ZNF529: variants seen among roughly 807,000 people sequenced by gnomAD.
ZNF529 encodes zinc finger protein 529.
A neutral mutation model predicts 10.1 loss-of-function variants in ZNF529; 11 were observed. The ratio of observed to expected loss-of-function variants is 1.09; its 90% CI spans 0.69 to 1.81. The LOEUF (loss-of-function observed/expected upper bound fraction) is 1.81. ZNF529 is among the 40% of genes most tolerant of loss of function. The probability of loss-of-function intolerance (pLI) is 0.00; values close to 1 mark genes in which losing one functional copy is unlikely to be tolerated. For missense variants in ZNF529, 624 were observed against 666.8 expected (o/e 0.94, Z 0.71); for synonymous variants, 204 against 215.7 (o/e 0.95, Z 0.47).
At chr19:36,603,829 C>A (rs761083391) in intron 1 of ZNF529, among the ~76,000 whole-genome samples, 8 of 152,182 alleles carry the variant, frequency 5.3e-5, no homozygotes, top group Non-Finnish European at 1.0e-4. Context: ...TTCCTTTAGA[C>A]AGCTATGAAA....
At chr19:36,556,320 TAG>T (rs1397125506) in intron 2 of ZNF529, 123 bp from the exon 3 acceptor site, 2 of 639,694 alleles carry the variant, frequency 3.1e-6, no homozygotes, top group South Asian at 1.9e-5. Flanking sequence ...TAAGAACTCT[TAG>T]AGTCTAGACT....
intron 1 of ZNF529, among the ~76,000 whole-genome samples, chr19:36,572,604 G>C (rs2036165986): frequency 6.6e-6 from 1 of 152,186 alleles, no homozygotes; most frequent in Non-Finnish European, 1.5e-5. Context: ...AAATACTGTA[G>C]TTCTTTAATG....
At chr19:36,556,068 G>T in intron 3 of ZNF529, 36 bp downstream of exon 3, 1 of 1,546,374 alleles carries the variant, frequency 6.5e-7, no homozygotes, top group South Asian at 1.2e-5. Context: ...TCAGAAAAAG[G>T]AAATATCACA....
chr19:36,580,889 T>TA (rs2036449700), intron 2 of ZNF529: 1 of 152,212 alleles, frequency 6.6e-6, no homozygotes, highest in South Asian at 2.1e-4. Flanking sequence ...TTAAGTATTA[T>TA]AAAAAATCTA....
At chr19:36,561,695 G>A (rs1013665744) in intron 2 of ZNF529, among the ~76,000 whole-genome samples, 6 of 152,212 alleles carry the variant, frequency 3.9e-5, no homozygotes, top group Admixed American at 3.9e-4. Flanking sequence ...GCCTGGGAGA[G>A]AGCCAGTGGC....
rs567118907 is a variant in ZNF529, at chr19:36,548,211, C to T, written c.347G>A (p.Gly116Asp). 20 of 1,613,810 alleles carry T rather than the reference C, an allele frequency of 1.2e-5. No homozygotes were observed. Among genetic ancestry groups the T allele is most frequent in the Non-Finnish European group, 1.7e-5 (20 of 1,179,844 alleles). The change falls in exon 5 of 5, where the codon GGT becomes GAT. Residue 116 changes from glycine (G) to aspartate (D), a missense_variant. Transcript: ENST00000591340. ...MESSKLCGLE[G>D]SIFRNDWQSK... Reference sequence around the variant, plus strand: ...TTGCCAGTCATTTCTGAAAATGGAACCTTCAAGGCCACATAACTTGCTACT... The same window carrying T: ...TTGCCAGTCATTTCTGAAAATGGAATCTTCAAGGCCACATAACTTGCTACT...
intron 1 of ZNF529, among the ~76,000 whole-genome samples, chr19:36,592,072 G>A (rs894838743): frequency 6.6e-6 from 1 of 151,338 alleles, no homozygotes; most frequent in Admixed American, 6.6e-5. Context: ...TCGGGAGTTG[G>A]GAGACCAGAC....
intron 2 of ZNF529, chr19:36,580,200 T>C (rs1004475846): frequency 1.3e-5 from 2 of 152,128 alleles, no homozygotes; most frequent in Admixed American, 6.6e-5. Context: ...TCATCGCCTA[T>C]GAAAACAATG....
chr19:36,589,448 G>A (rs1388244776), intron 2 of ZNF529, among the ~76,000 whole-genome samples: 1 of 152,160 alleles, frequency 6.6e-6, no homozygotes, highest in Non-Finnish European at 1.5e-5. Flanking sequence ...GGGGGTCATT[G>A]AAGTCTTTGG....
At position 36,546,796 on chromosome 19, in the gene ZNF529, T is replaced by G; in HGVS notation, c.*70A>C. The G allele has an allele frequency of 6.7e-7, 1 of 1,496,156 alleles. No homozygotes were observed. The highest frequency in any genetic ancestry group is 2.3e-5 in the East Asian group (1 of 44,154). 92.7% of individuals were successfully genotyped at this position (1,496,156 alleles called of 1,614,324 possible). On this transcript the variant is annotated 3_prime_UTR_variant, in exon 5 of 5. Transcript: ENST00000591340. ...GAGGGAGATACTGAATTGCCTTGAT[T>G]ACCTATTAAATCCATCCACAGTATT...
At chr19:36,565,172 T>G (rs1280224496) in intron 2 of ZNF529, among the ~76,000 whole-genome samples, 1 of 152,042 alleles carries the variant, frequency 6.6e-6, no homozygotes, top group African/African-American at 2.4e-5. Context: ...TCAATTGTAC[T>G]CCAAATCTCA....
In ZNF529 at chr19:36,547,317, C is replaced by T; in HGVS notation, c.1241G>A (p.Arg414Lys). Residue 414 changes from arginine (R) to lysine (K), a missense_variant, in exon 5 of 5, where the codon AGG becomes AAG. Coordinates refer to ENST00000591340, the MANE Select transcript of ZNF529 (RefSeq NM_020951.5). ...ATAGGGTTTTTCACCAGTATGAATC[C>T]TCTGATGTCTAGTCAGGGATGAACT... The part of the protein sequence containing the change: ...RNSSSLTRHQ[R>K]IHTGEKPYKC... 6.2e-7 allele frequency: 1 copy of T among 1,613,830 alleles called. No homozygotes were observed. The highest frequency in any genetic ancestry group is 8.5e-7 in the Non-Finnish European group (1 of 1,179,908).
chr19:36,583,946 AAGG>A (rs1378039214), intron 2 of ZNF529, among the ~76,000 whole-genome samples: 4 of 152,052 alleles, frequency 2.6e-5, no homozygotes, highest in South Asian at 2.1e-4. Context: ...AAAGGAGAAA[AAGG>A]AGGAGAAGCA....
chr19:36,567,352 A>G (rs1353838381), intron 2 of ZNF529, among the ~76,000 whole-genome samples: 1 of 152,256 alleles, frequency 6.6e-6, no homozygotes, highest in African/African-American at 2.4e-5. Flanking sequence ...AACTGAAAAC[A>G]GATCAATGAC....
intron 2 of ZNF529, chr19:36,580,297 AAAAT>A (rs2036434834): frequency 6.6e-6 from 1 of 152,144 alleles, no homozygotes; most frequent in African/African-American, 2.4e-5. Context: ...AGTACAGTCT[AAAAT>A]AATAATACAA....
Position 36,548,146 on chromosome 19 carries a change from A to G in ZNF529, c.412T>C (p.Tyr138His). The change falls in exon 5 of 5, where the codon TAT (tyrosine) becomes CAT (histidine). Residue 138 changes from tyrosine to histidine, a missense_variant. Physicochemically the swap from Tyr to His is moderately conservative, Grantham distance 83. Coordinates refer to ENST00000591340, the MANE Select transcript of ZNF529 (RefSeq NM_020951.5). ...GAGATGATTTTCATTTGACTGAAAT[A>G]TCCCACTTCAGGTCCTTGTAAGTCA... is the stretch of plus-strand genomic sequence containing the variant. ...KIDLQGPEVG[Y>H]FSQMKIISEN... 6.2e-7 allele frequency: 1 copy of G among 1,613,910 alleles called. No homozygotes were observed. Among genetic ancestry groups the G allele is most frequent in the Non-Finnish European group, 8.5e-7 (1 of 1,179,842 alleles).
At chr19:36,559,695 A>G (rs1050461702) in intron 2 of ZNF529, among the ~76,000 whole-genome samples, 6 of 152,220 alleles carry the variant, frequency 3.9e-5, no homozygotes, top group African/African-American at 1.4e-4. Flanking sequence ...GTGTCCATCA[A>G]TGGATGGACA....
At position 36,547,781 on chromosome 19, in the gene ZNF529, G is replaced by C. The variant is rs781493337; in HGVS notation, c.777C>G (p.Tyr259Ter). 2 of 1,612,146 alleles carry C rather than the reference G, an allele frequency of 1.2e-6. No homozygotes were observed. Among genetic ancestry groups the C allele is most frequent in the South Asian group, 1.1e-5 (1 of 90,694 alleles). Residue 259 changes from tyrosine to a stop codon, truncating the protein, a stop_gained, in exon 5 of 5, where the codon TAC becomes TAG. Coordinates refer to ENST00000591340, the MANE Select transcript of ZNF529 (RefSeq NM_020951.5). LOFTEE classifies it low-confidence loss of function (END_TRUNC). ...HNEKFYKCKEYRRTFERVGKV... is the reference protein window; with the variant it reads ...HNEKFYKCKE Reference sequence around the variant, plus strand: ...TTCCAACTCTTTCAAAGGTCCTTCTGTATTCCTTACATTTATAGAACTTCT... The same window carrying C: ...TTCCAACTCTTTCAAAGGTCCTTCTCTATTCCTTACATTTATAGAACTTCT...
intron 2 of ZNF529, among the ~76,000 whole-genome samples, chr19:36,586,644 C>A (rs899690262): frequency 1.6e-4 from 25 of 151,904 alleles, no homozygotes; most frequent in African/African-American, 5.8e-4. Context: ...TTTAAAAGAA[C>A]CTGATATGAT....
Sources: gnomAD v4.1 joint callset for allele counts (sites outside exome capture counted in the v4.1 genomes callset) on GRCh38, gnomAD v4.1.1 for gene constraint, MANE v1.5 for transcripts, NCBI Gene and HGNC (gene_info 2026-07-23, HGNC 2026-07-21) for gene names.